The following SLC38A6 variants were observed in gnomAD, a reference collection of about 807,000 sequenced individuals.
The protein encoded by SLC38A6 is N system amino acid transporter NAT-1.
Under a neutral mutation model 65.0 loss-of-function variants are expected in SLC38A6, and 73 were observed. The observed-to-expected ratio is 1.12, with a 90% CI of 0.93 to 1.37. SLC38A6 has a LOEUF of 1.37. SLC38A6 is among the 40% of genes most tolerant of loss of function. SLC38A6 has a pLI of 0.00. For synonymous variants in SLC38A6, 183 were observed against 178.8 expected (o/e 1.02, Z -0.19); for missense variants, 561 against 531.1 (o/e 1.06, Z -0.55).
intron 8 of SLC38A6, among the ~76,000 whole-genome samples, chr14:61,037,898 G>A (rs902400569): frequency 1.3e-5 from 2 of 152,118 alleles, no homozygotes. Context: ...AGCATTTCTT[G>A]TGGTTAACTA....
At chr14:60,987,005 G>T in intron 3 of SLC38A6, 1 of 387,282 alleles carries the variant, frequency 2.6e-6, no homozygotes, top group Non-Finnish European at 4.9e-6. Flanking sequence ...CGTATGAAGT[G>T]AATATATCTG....
chr14:60,984,969 C>T (rs1018104975), intron 3 of SLC38A6, among the ~76,000 whole-genome samples, 166 bp downstream of exon 3: 1 of 152,180 alleles, frequency 6.6e-6, no homozygotes, highest in South Asian at 2.1e-4. Flanking sequence ...AGACCCAATA[C>T]TGTGGGGGAA....
chr14:60,984,443 G>A (rs538766871), intron 2 of SLC38A6, among the ~76,000 whole-genome samples: 1 of 151,512 alleles, frequency 6.6e-6, no homozygotes, highest in East Asian at 1.9e-4. Flanking sequence ...GGCTGATTCA[G>A]CAGTCAGCAG....
chr14:61,075,823 G>A (rs192971445), intron 15 of SLC38A6, among the ~76,000 whole-genome samples: 52 of 143,218 alleles, frequency 3.6e-4, no homozygotes, highest in Non-Finnish European at 5.0e-4. Flanking sequence ...GTGTGTGTGT[G>A]TGTGTGTGTA....
chr14:61,028,855 T>C (rs1005822011), intron 5 of SLC38A6, among the ~76,000 whole-genome samples: 1 of 152,216 alleles, frequency 6.6e-6, no homozygotes, highest in African/African-American at 2.4e-5. Context: ...TATAGTATTA[T>C]CTATCTCCAT....
chr14:61,030,413 T>C, intron 5 of SLC38A6, 32 bp from the exon 6 acceptor site: 1 of 1,496,482 alleles, frequency 6.7e-7, no homozygotes, highest in South Asian at 1.2e-5. Flanking sequence ...AATCATAGAA[T>C]TCTAATAGGA....
chr14:61,014,885 G>A (rs1440723979), intron 3 of SLC38A6, among the ~76,000 whole-genome samples: 1 of 152,136 alleles, frequency 6.6e-6, no homozygotes, highest in Non-Finnish European at 1.5e-5. Context: ...GCTGCGTGCT[G>A]GGAGAACCAC....
In SLC38A6 at chr14:61,012,937, C is replaced by G. The variant is rs112761873; in HGVS notation, c.311-2967C>G. On this transcript the variant is annotated intron_variant, in intron 3 of 15. Coordinates refer to ENST00000267488, the MANE Select transcript of SLC38A6 (RefSeq NM_153811.3). ...GAGCTGAGTTCAATTCCTGGAGATC[C>G]TTGTTAACTTTCTGTCTCGTGGATC... Among the ~76,000 whole-genome samples, 1,408 of 152,184 alleles carry G rather than the reference C, an allele frequency of 9.3e-3. 23 individuals carry two copies. Among genetic ancestry groups the G allele is most frequent in the African/African-American group, 0.03 (1,228 of 41,518 alleles).
intron 3 of SLC38A6, among the ~76,000 whole-genome samples, chr14:61,002,637 G>T (rs1031447059): frequency 2.0e-5 from 3 of 152,140 alleles, no homozygotes; most frequent in African/African-American, 7.2e-5. Context: ...GATTCCTGTG[G>T]AGGCCAAACT....
intron 3 of SLC38A6, among the ~76,000 whole-genome samples, chr14:61,003,956 T>A (rs2038892795): frequency 6.6e-6 from 1 of 152,056 alleles, no homozygotes; most frequent in African/African-American, 2.4e-5. Context: ...AATTTGGAAG[T>A]TTGCTGCATT....
At chr14:61,055,106 C>CTTTTTTCT (rs2042663944), downstream of SLC38A6, among the ~76,000 whole-genome samples, 14 of 63,280 alleles carry the variant, frequency 2.2e-4, no homozygotes, top group Non-Finnish European at 3.5e-4. Context: ...AAGTCTTTTT[C>CTTTTTTCT]TTTTTTTTTT....
intron 5 of SLC38A6, among the ~76,000 whole-genome samples, chr14:61,024,733 A>G (rs1268076866): frequency 6.6e-6 from 1 of 152,194 alleles, no homozygotes; most frequent in Non-Finnish European, 1.5e-5. Flanking sequence ...ATCACTAGAA[A>G]TCAAACACTA....
intron 8 of SLC38A6, among the ~76,000 whole-genome samples, chr14:61,042,778 A>C (rs2041888028): frequency 6.6e-6 from 1 of 152,144 alleles, no homozygotes; most frequent in African/African-American, 2.4e-5. Context: ...ATGTTTCTCT[A>C]TTCACTAATA....
intron 5 of SLC38A6, among the ~76,000 whole-genome samples, chr14:61,024,311 A>T (rs1003694209): frequency 2.6e-5 from 4 of 152,200 alleles, no homozygotes; most frequent in Non-Finnish European, 4.4e-5. Context: ...TGGGAACCAT[A>T]TAGTAAATTA....
intron 1 of SLC38A6, 132 bp downstream of exon 1, chr14:60,981,514 G>A: frequency 1.3e-6 from 2 of 1,534,020 alleles, no homozygotes; most frequent in Non-Finnish European, 1.7e-6. Context: ...TGGGGGATGG[G>A]GTCTGAAGGC....
In SLC38A6 at chr14:61,037,662, T is replaced by C; in HGVS notation, c.603T>C (p.Phe201=). The change falls in exon 8 of 16, where the codon TTT becomes TTC. Residue 201 remains phenylalanine (F), a synonymous_variant. Coordinates refer to ENST00000267488, the MANE Select transcript of SLC38A6 (RefSeq NM_153811.3). ...LGYTSSLSFF[F]MMFFALVVII... is the part of the protein sequence containing the mutation. ...ACACAAGTAGTTTATCATTTTTCTT[T>C]ATGATGTTCTTTGCTCTTGTGGTAA... The C allele has an allele frequency of 1.6e-5, 26 of 1,593,616 alleles. No homozygotes were observed. The highest frequency in any genetic ancestry group is 2.1e-5 in the Non-Finnish European group (25 of 1,166,328).
chr14:61,039,585 A>G (rs2139749766), intron 8 of SLC38A6, among the ~76,000 whole-genome samples: 1 of 150,168 alleles, frequency 6.7e-6, no homozygotes, highest in East Asian at 2.0e-4. Context: ...TAGCCAGGCA[A>G]GTCTTGAACT....
At chr14:61,049,590 C>G (rs1294172579) in intron 12 of SLC38A6, among the ~76,000 whole-genome samples, 1 of 152,140 alleles carries the variant, frequency 6.6e-6, no homozygotes, top group Non-Finnish European at 1.5e-5. Context: ...TTAGAACTCT[C>G]TGGCCACTTA....
chr14:61,021,344 T>TA (rs1257026719), intron 5 of SLC38A6, among the ~76,000 whole-genome samples: 1 of 152,188 alleles, frequency 6.6e-6, no homozygotes, highest in Non-Finnish European at 1.5e-5. Context: ...ACATGAAATA[T>TA]AAAAAAGACA....
Sources: gnomAD v4.1 joint callset for allele counts (sites outside exome capture counted in the v4.1 genomes callset) on GRCh38, gnomAD v4.1.1 for gene constraint, MANE v1.5 for transcripts, NCBI Gene and HGNC (gene_info 2026-07-23, HGNC 2026-07-21) for gene names.